Variants in ADCY1 observed in about 807,000 individuals in gnomAD.
The protein encoded by ADCY1 is adenylate cyclase type 1.
In ADCY1, 28 loss-of-function variants were observed where a neutral mutation model predicts 105.4. The observed-to-expected ratio is 0.27, with a 90% CI of 0.20 to 0.36. The LOEUF is 0.36. ADCY1 is among the 10% of genes least tolerant of loss of function. The pLI is 1.00. For missense variants in ADCY1, 977 were observed against 1,434.2 expected (o/e 0.68, Z 5.15); for synonymous variants, 655 against 623.8 (o/e 1.05, Z -0.75).
chr7:45,660,429 G>A (rs1795063102), intron 7 of ADCY1, among the ~76,000 whole-genome samples: 2 of 152,204 alleles, frequency 1.3e-5, no homozygotes, highest in South Asian at 4.1e-4. Context: ...GGGGCAGGCC[G>A]TTCTGTGTCC....
chr7:45,574,324 G>A, upstream of ADCY1: 1 of 182,130 alleles, frequency 5.5e-6, no homozygotes, highest in Non-Finnish European at 1.0e-5. The surrounding 1 kb of genome is among the most constrained non-coding windows in gnomAD (Gnocchi z 7.0). Flanking sequence ...ACCACGGTCG[G>A]GGCGCGGGCG....
chr7:45,629,770 C>T (rs930774227), intron 4 of ADCY1, among the ~76,000 whole-genome samples: 77 of 152,130 alleles, frequency 5.1e-4, no homozygotes, highest in Admixed American at 1.9e-3. Context: ...CCACCCGCCT[C>T]GGCCTCCCAA....
chr7:45,696,464 AAAG>A (rs1431105058), intron 14 of ADCY1, among the ~76,000 whole-genome samples: 1 of 151,560 alleles, frequency 6.6e-6, no homozygotes, highest in Non-Finnish European at 1.5e-5. Flanking sequence ...AAAAAAAGGA[AAAG>A]AAAAATCCAG....
intron 5 of ADCY1, among the ~76,000 whole-genome samples, chr7:45,650,935 G>A (rs1433905751): frequency 6.6e-6 from 1 of 152,166 alleles, no homozygotes; most frequent in African/African-American, 2.4e-5. Flanking sequence ...CTTGCTCCAT[G>A]AACCTGTGTC....
chr7:45,648,411 G>C (rs1384164286), intron 4 of ADCY1, among the ~76,000 whole-genome samples: 1 of 152,266 alleles, frequency 6.6e-6, no homozygotes, highest in Non-Finnish European at 1.5e-5. Flanking sequence ...CAGACAGGAG[G>C]GATGGACCCC....
At chr7:45,605,702 G>T (rs900473166) in intron 2 of ADCY1, among the ~76,000 whole-genome samples, 2 of 152,086 alleles carry the variant, frequency 1.3e-5, no homozygotes, top group Non-Finnish European at 2.9e-5. Flanking sequence ...TTGCTATCTT[G>T]TAAAAGACTT....
At chr7:45,699,611 G>A (rs1390577658) in intron 14 of ADCY1, among the ~76,000 whole-genome samples, 2 of 152,078 alleles carry the variant, frequency 1.3e-5, no homozygotes, top group African/African-American at 2.4e-5. Context: ...GCTGGGGGAC[G>A]GGAGGGTGGG....
intron 4 of ADCY1, among the ~76,000 whole-genome samples, chr7:45,626,887 G>T (rs546083581): frequency 6.6e-6 from 1 of 152,198 alleles, no homozygotes; most frequent in Non-Finnish European, 1.5e-5. Flanking sequence ...GGTGCAGAGG[G>T]CTGGGCAGTG....
intron 4 of ADCY1, among the ~76,000 whole-genome samples, chr7:45,625,786 G>A (rs954210684): frequency 3.3e-5 from 5 of 152,240 alleles, no homozygotes; most frequent in African/African-American, 1.2e-4. Context: ...ACCTTTGGCA[G>A]CACAGAACAC....
chr7:45,667,489 A>T (rs1396587645), intron 8 of ADCY1, among the ~76,000 whole-genome samples: 1 of 151,706 alleles, frequency 6.6e-6, no homozygotes, highest in Non-Finnish European at 1.5e-5. Flanking sequence ...TTGGTCTATA[A>T]CTCTGTTTTG....
intron 1 of ADCY1, among the ~76,000 whole-genome samples, chr7:45,580,968 A>G (rs1354918573): frequency 6.6e-6 from 1 of 152,154 alleles, no homozygotes. Flanking sequence ...TGAGAGGGCC[A>G]GGGATCAACT....
intron 2 of ADCY1, among the ~76,000 whole-genome samples, chr7:45,599,749 C>T (rs1365541887): frequency 2.0e-5 from 3 of 152,006 alleles, no homozygotes; most frequent in African/African-American, 7.2e-5. Context: ...ACCTCAGCCT[C>T]CCGAGTAGCT....
intron 8 of ADCY1, among the ~76,000 whole-genome samples, chr7:45,665,916 G>A (rs1284634777): frequency 1.3e-5 from 2 of 152,288 alleles, no homozygotes. Flanking sequence ...TACGAGGATA[G>A]CCTAGGGGTA....
intron 14 of ADCY1, among the ~76,000 whole-genome samples, chr7:45,692,595 G>C (rs1374928680): frequency 1.3e-5 from 2 of 152,206 alleles, no homozygotes; most frequent in African/African-American, 4.8e-5. Flanking sequence ...CTCGTGAGAT[G>C]CTTGTTTTTA....
intron 11 of ADCY1, among the ~76,000 whole-genome samples, chr7:45,683,022 A>G (rs1345995233): frequency 6.6e-6 from 1 of 152,038 alleles, no homozygotes; most frequent in East Asian, 1.9e-4. Flanking sequence ...AGTTGACATC[A>G]TCTCCCGAAG....
intron 14 of ADCY1, among the ~76,000 whole-genome samples, chr7:45,687,747 TA>T (rs1784712591): frequency 6.6e-6 from 1 of 152,224 alleles, no homozygotes; most frequent in South Asian, 2.1e-4. Context: ...GCCACTAAAG[TA>T]ACATGCCAGA....
At chr7:45,594,661 G>A (rs1793021764) in intron 2 of ADCY1, among the ~76,000 whole-genome samples, 2 of 152,028 alleles carry the variant, frequency 1.3e-5, no homozygotes, top group Admixed American at 1.3e-4. Flanking sequence ...GCTGCTTGAT[G>A]TGCAGCATTT....
At chr7:45,693,686 T>C (rs1245199114) in intron 14 of ADCY1, among the ~76,000 whole-genome samples, 3 of 151,504 alleles carry the variant, frequency 2.0e-5, no homozygotes, top group Non-Finnish European at 2.9e-5. Flanking sequence ...TGCGGCACTA[T>C]TCACAATAGC....
At chr7:45,606,848 T>C (rs1459372337) in intron 2 of ADCY1, among the ~76,000 whole-genome samples, 7 of 152,242 alleles carry the variant, frequency 4.6e-5, no homozygotes, top group Admixed American at 4.6e-4. Flanking sequence ...TTTTATACTT[T>C]TGATTTCTGG....
Sources: allele counts gnomAD v4.1 joint callset (sites outside exome capture counted in the v4.1 genomes callset), GRCh38; gene constraint gnomAD v4.1.1; non-coding constraint Gnocchi (gnomAD v3.1); transcripts MANE v1.5; gene names NCBI Gene and HGNC (gene_info 2026-07-23, HGNC 2026-07-21).